Variants in COMMD10 observed in about 807,000 individuals in gnomAD.
COMMD10 encodes COMM domain-containing protein 10.
COMMD10 carries 33 observed loss-of-function variants against 28.9 expected under a neutral mutation model. The ratio of observed to expected loss-of-function variants is 1.14; its 90% CI spans 0.87 to 1.53. The LOEUF is 1.53. Ranked by LOEUF, COMMD10 falls within the 40% of genes most tolerant of loss-of-function variation. The pLI, the probability that COMMD10 is intolerant of heterozygous loss-of-function variation, is 0.00. For synonymous variants in COMMD10, 110 were observed against 81.7 expected, an observed-to-expected ratio of 1.35 and a Z score of -1.87; for missense variants, 310 against 233.4, an observed-to-expected ratio of 1.33 and a Z score of -2.14.
intron 5 of COMMD10, among the ~76,000 whole-genome samples, chr5:116,177,036 A>T (rs777924811): frequency 6.6e-6 from 1 of 152,150 alleles, no homozygotes; most frequent in Non-Finnish European, 1.5e-5. Context: ...AGCAGGAAAC[A>T]ATCTTTTGGG....
chr5:116,245,249 C>A (rs753658044), intron 5 of COMMD10, among the ~76,000 whole-genome samples: 26 of 151,916 alleles, frequency 1.7e-4, no homozygotes, highest in Non-Finnish European at 3.7e-4. Flanking sequence ...CATCTAGAAG[C>A]AATGGATAAA....
intron 5 of COMMD10, among the ~76,000 whole-genome samples, chr5:116,187,274 G>A (rs1748170450): frequency 6.6e-6 from 1 of 152,064 alleles, no homozygotes; most frequent in Admixed American, 6.6e-5. Context: ...CAAATGTTTA[G>A]CTAAAATGTG....
chr5:116,206,212 A>G (rs1748809600), intron 5 of COMMD10, among the ~76,000 whole-genome samples: 1 of 152,342 alleles, frequency 6.6e-6, no homozygotes, highest in Middle Eastern at 3.4e-3. Flanking sequence ...TATGGATTTT[A>G]GGCCAGCGGA....
At chr5:116,239,722 G>T (rs997974934) in intron 5 of COMMD10, among the ~76,000 whole-genome samples, 9 of 152,116 alleles carry the variant, frequency 5.9e-5, no homozygotes, top group African/African-American at 2.2e-4. Context: ...AGCATGTAAG[G>T]TGATTTATGA....
intron 5 of COMMD10, among the ~76,000 whole-genome samples, chr5:116,274,817 ATCT>A (rs1750857560): frequency 6.6e-6 from 1 of 151,554 alleles, no homozygotes; most frequent in South Asian, 2.1e-4. Context: ...TTTATTATTG[ATCT>A]TCTTGACACA....
At position 116,109,002 on chromosome 5, in the gene COMMD10, C is replaced by G. The variant is rs535412500; in HGVS notation, c.399+16302C>G. Among the ~76,000 whole-genome samples the G allele has an allele frequency of 5.3e-5, 8 of 152,276 alleles. No individual in the cohort carries two copies. The East Asian group carries it at 1.5e-3, about 29-fold the overall frequency. ...GGTGAGGCAATGCCCCACCCTGCTT[C>G]TGCTCACCATCCGTGGGCTGCATCC... On this transcript the variant is annotated intron_variant, in intron 4 of 6. Transcript: ENST00000274458.
chr5:116,292,853 T>A lies in COMMD10; in HGVS notation c.*364T>A, dbSNP rs958202084. 5.1e-6 allele frequency: 2 copies of A among 395,016 alleles called. No individual in the cohort carries two copies. The highest frequency in any genetic ancestry group is 4.1e-5 in the African/African-American group (2 of 48,544). The allele number at this position is 395,016 out of a possible 1,614,324, so 24.5% of individuals were successfully genotyped here. A position where few individuals can be genotyped will look rare whatever the true frequency, so the allele number is the denominator to read the frequency against. On this transcript the variant is annotated 3_prime_UTR_variant, in exon 7 of 7. Transcript: ENST00000274458. ...TCAAGGAGCGTCCATGGATACAAGATAAGATGTGTACCTTAGTAGAATACA... is the reference window on the plus strand; with the variant it reads ...TCAAGGAGCGTCCATGGATACAAGAAAAGATGTGTACCTTAGTAGAATACA...
In COMMD10 at chr5:116,194,055, C is replaced by T. The variant is rs752243753; in HGVS notation, c.510+59877C>T. Among the ~76,000 whole-genome samples, 70 of 152,092 alleles carry T rather than the reference C, an allele frequency of 4.6e-4. 2 individuals are homozygous for T. Among genetic ancestry groups the T allele is most frequent in the Admixed American group, 3.3e-4 (5 of 15,272 alleles). ...AAATACATGGAAATTAAATAACTTG[C>T]TCCTGAATGAGCATTGGGTCAAAAA... On this transcript the variant is annotated intron_variant, in intron 5 of 6. Coordinates refer to ENST00000274458, the MANE Select transcript of COMMD10 (RefSeq NM_016144.4).
At chr5:116,217,154 A>G (rs571054979) in intron 5 of COMMD10, among the ~76,000 whole-genome samples, 5 of 152,098 alleles carry the variant, frequency 3.3e-5, no homozygotes, top group South Asian at 4.1e-4. Flanking sequence ...GAAGAAGAAA[A>G]AAAAAAGTCC....
rs151181917 is a variant in COMMD10, at chr5:116,233,239, C to T, written c.511-58278C>T. ...AGAGAAAGACTACATTCTCATGACTCTTATTACAGTATATAGTTATAATTA... is the reference window on the plus strand; with the variant it reads ...AGAGAAAGACTACATTCTCATGACTTTTATTACAGTATATAGTTATAATTA... On this transcript the variant is annotated intron_variant, in intron 5 of 6. Coordinates refer to ENST00000274458, the MANE Select transcript of COMMD10 (RefSeq NM_016144.4). Among the ~76,000 whole-genome samples the T allele has an allele frequency of 7.0e-3, 1,060 of 152,082 alleles. 19 individuals carry two copies. The highest frequency in any genetic ancestry group is 0.024 in the African/African-American group (1,016 of 41,476).
At chr5:116,275,381 T>C (rs1750877982) in intron 5 of COMMD10, among the ~76,000 whole-genome samples, 1 of 151,846 alleles carries the variant, frequency 6.6e-6, no homozygotes, top group South Asian at 2.1e-4. Flanking sequence ...ATCTTTCAGG[T>C]ATCAGATTAG....
intron 5 of COMMD10, among the ~76,000 whole-genome samples, chr5:116,241,913 A>G (rs529964181): frequency 2.6e-5 from 4 of 152,094 alleles, no homozygotes; most frequent in African/African-American, 7.2e-5. Context: ...CACCACGCCC[A>G]GCCAATTTGT....
At chr5:116,207,660 G>A in intron 5 of COMMD10, among the ~76,000 whole-genome samples, 1 of 152,030 alleles carries the variant, frequency 6.6e-6, no homozygotes, top group Non-Finnish European at 1.5e-5. Flanking sequence ...CAAGTAGCTG[G>A]GACCCCAGGC....
chr5:116,176,958 T>TA (rs1753533645), intron 5 of COMMD10, among the ~76,000 whole-genome samples: 2 of 152,102 alleles, frequency 1.3e-5, no homozygotes, highest in African/African-American at 2.4e-5. Flanking sequence ...TCCCCAAAGT[T>TA]AGAGTTCAGA....
chr5:116,151,121 T>C (rs1030210249), intron 5 of COMMD10, among the ~76,000 whole-genome samples: 1 of 152,030 alleles, frequency 6.6e-6, no homozygotes, highest in Non-Finnish European at 1.5e-5. Context: ...GATAATCATG[T>C]GGTTTTTGTT....
At chr5:116,175,819 G>T (rs150275890) in intron 5 of COMMD10, among the ~76,000 whole-genome samples, 1 of 152,062 alleles carries the variant, frequency 6.6e-6, no homozygotes, top group African/African-American at 2.4e-5. Context: ...TACATAGAGC[G>T]GTCAAATTCA....
chr5:116,087,477 T>G lies in COMMD10; in HGVS notation c.42-20T>G, dbSNP rs1290041241. ...ACTTGGAAAACTCATTTCAAAACTC[T>G]GTTTTATAATTTTGTTTAGCATGAA... On this transcript the variant is annotated intron_variant, in intron 1 of 6. Transcript: ENST00000274458. 1 of 1,500,682 alleles carries G rather than the reference T, an allele frequency of 6.7e-7. No homozygotes were observed. Among genetic ancestry groups the G allele is most frequent in the Non-Finnish European group, 9.3e-7 (1 of 1,080,266 alleles). 93.0% of individuals were successfully genotyped at this position (1,500,682 alleles called of 1,614,324 possible). A position where few individuals can be genotyped will look rare whatever the true frequency, so the allele number is the denominator to read the frequency against.
At chr5:116,209,570 G>C (rs1249697357) in intron 5 of COMMD10, among the ~76,000 whole-genome samples, 1 of 152,128 alleles carries the variant, frequency 6.6e-6, no homozygotes, top group East Asian at 1.9e-4. Flanking sequence ...TGGCTAGTAT[G>C]TGTGGTACTA....
chr5:116,251,871 T>A (rs943428953), intron 5 of COMMD10, among the ~76,000 whole-genome samples: 3 of 152,092 alleles, frequency 2.0e-5, no homozygotes, highest in African/African-American at 4.8e-5. Flanking sequence ...TTCGCCACAC[T>A]GACTTCCACA....
Sources: gnomAD v4.1 joint callset for allele counts (sites outside exome capture counted in the v4.1 genomes callset) on GRCh38, gnomAD v4.1.1 for gene constraint, MANE v1.5 for transcripts, NCBI Gene and HGNC (gene_info 2026-07-23, HGNC 2026-07-21) for gene names.